The following FTO variants were observed in gnomAD, a reference collection of about 807,000 sequenced individuals.
FTO encodes the protein alpha-ketoglutarate-dependent dioxygenase FTO.
Under a neutral mutation model 63.9 loss-of-function variants are expected in FTO, and 47 were observed. That is an observed-to-expected ratio of 0.74 (90% CI 0.58 to 0.94). FTO has a LOEUF of 0.94. Ranked by LOEUF, FTO falls within the 40% of genes least tolerant of loss-of-function variation. The pLI, the probability that FTO is intolerant of heterozygous loss-of-function variation, is 0.00. For synonymous variants in FTO, 207 were observed against 224.4 expected (o/e 0.92, Z 0.69); for missense variants, 562 against 618.1 (o/e 0.91, Z 0.96).
chr16:53,887,204 C>T (rs1285817322), intron 6 of FTO, among the ~76,000 whole-genome samples: 2 of 152,186 alleles, frequency 1.3e-5, no homozygotes, highest in Non-Finnish European at 2.9e-5. Flanking sequence ...TGGTTTTTGT[C>T]TTTTCATCTT....
At chr16:53,739,745 G>GT (rs535359165) in intron 1 of FTO, among the ~76,000 whole-genome samples, 50 of 150,560 alleles carry the variant, frequency 3.3e-4, no homozygotes, top group African/African-American at 7.3e-4. Context: ...TTTTGTCTGT[G>GT]TTTTTTTTTA....
chr16:53,724,670 C>G (rs376644819), intron 1 of FTO, among the ~76,000 whole-genome samples: 2 of 152,142 alleles, frequency 1.3e-5, no homozygotes, highest in South Asian at 4.1e-4. Context: ...CCATTATTCC[C>G]CCCAGTAAGA....
intron 1 of FTO, among the ~76,000 whole-genome samples, chr16:53,719,970 A>G (rs2075999078): frequency 6.6e-6 from 1 of 152,056 alleles, no homozygotes; most frequent in Admixed American, 6.5e-5. Context: ...ATGTCCGCAG[A>G]GTCTTGAACA....
chr16:54,040,434 A>C (rs1356288811), intron 8 of FTO: 1 of 152,260 alleles, frequency 6.6e-6, no homozygotes, highest in Non-Finnish European at 1.5e-5. Flanking sequence ...TTTTAAGCAC[A>C]TAGAGAAATC....
chr16:53,941,863 T>C (rs1046166166), intron 8 of FTO, among the ~76,000 whole-genome samples: 23 of 152,066 alleles, frequency 1.5e-4, no homozygotes, highest in African/African-American at 5.6e-4. Flanking sequence ...AAAGAACAAA[T>C]TTGCACCCCA....
intron 8 of FTO, among the ~76,000 whole-genome samples, chr16:54,077,516 G>A (rs1047903739): frequency 2.6e-5 from 4 of 152,084 alleles, no homozygotes; most frequent in Non-Finnish European, 4.4e-5. Context: ...TCCTGAAGCC[G>A]CCTCCCCCAC....
intron 8 of FTO, among the ~76,000 whole-genome samples, chr16:54,028,717 A>G (rs2084768791): frequency 6.6e-6 from 1 of 152,162 alleles, no homozygotes; most frequent in African/African-American, 2.4e-5. Flanking sequence ...TATTGTATAC[A>G]CTATATACAG....
At chr16:54,027,917 A>G (rs1342068562) in intron 8 of FTO, among the ~76,000 whole-genome samples, 3 of 152,158 alleles carry the variant, frequency 2.0e-5, no homozygotes, top group African/African-American at 7.2e-5. Flanking sequence ...ATTAAATTAA[A>G]TGGTTCATGT....
At chr16:53,832,049 A>G (rs748577044) in intron 3 of FTO, among the ~76,000 whole-genome samples, 2 of 152,178 alleles carry the variant, frequency 1.3e-5, no homozygotes, top group Admixed American at 6.5e-5. Context: ...GACTAGGGAT[A>G]TGATGGTCCA....
intron 1 of FTO, among the ~76,000 whole-genome samples, chr16:53,771,757 C>A (rs1351180679): frequency 6.6e-6 from 1 of 152,002 alleles, no homozygotes; most frequent in East Asian, 1.9e-4. Context: ...TGTGGCATAA[C>A]CATACAATGG....
intron 8 of FTO, among the ~76,000 whole-genome samples, chr16:54,095,349 A>G (rs1316498131): frequency 6.6e-6 from 1 of 151,974 alleles, no homozygotes; most frequent in African/African-American, 2.4e-5. Context: ...CCTAATGCCT[A>G]ACTCATTCTC....
At chr16:54,097,933 G>T (rs548173340) in intron 8 of FTO, among the ~76,000 whole-genome samples, 10 of 152,258 alleles carry the variant, frequency 6.6e-5, no homozygotes, top group African/African-American at 2.4e-4. Context: ...AAGCCATGTG[G>T]ATATTTTAGG....
chr16:53,992,074 G>C (rs1212962528), intron 8 of FTO: 3 of 152,210 alleles, frequency 2.0e-5, no homozygotes, highest in African/African-American at 7.2e-5. Context: ...AGGATTGTTT[G>C]TAAACGTGGG....
intron 1 of FTO, among the ~76,000 whole-genome samples, chr16:53,733,138 G>A (rs963032817): frequency 2.6e-5 from 4 of 152,304 alleles, no homozygotes; most frequent in Non-Finnish European, 4.4e-5. Context: ...AGTGGCTCAC[G>A]CCTGTTATCC....
At chr16:53,846,801 C>CAAAAAAAAAAAAAAAAAAAAAA (rs55982417) in intron 4 of FTO, among the ~76,000 whole-genome samples, 1 of 106,902 alleles carries the variant, frequency 9.4e-6, no homozygotes, top group Non-Finnish European at 2.0e-5. Context: ...GACTCAGTCT[C>CAAAAAAAAAAAAAAAAAAAAAA]AAAAAAAAAA....
At chr16:53,842,833 C>T (rs887546919) in intron 3 of FTO, among the ~76,000 whole-genome samples, 15 of 152,036 alleles carry the variant, frequency 9.9e-5, no homozygotes, top group Non-Finnish European at 2.1e-4. Flanking sequence ...GCCACCATGC[C>T]CCACTCATTT....
intron 8 of FTO, among the ~76,000 whole-genome samples, chr16:54,096,583 C>A (rs1015209692): frequency 3.9e-5 from 6 of 152,326 alleles, no homozygotes; most frequent in African/African-American, 1.4e-4. Flanking sequence ...TGACACATAT[C>A]GCTCAGAGGA....
rs1254259491 is a variant in FTO, at chr16:53,899,798, A to G, written c.1239+10847A>G. ...ACCAGGGGAGACCTTTGGACTGGAA[A>G]GCTTTAAAGGATGACTGCTTTCACA... is the stretch of plus-strand genomic sequence containing the variant. On this transcript the variant is annotated intron_variant, in intron 7 of 8. Transcript: ENST00000471389. Among the ~76,000 whole-genome samples, 4 of 152,202 alleles carry G rather than the reference A, an allele frequency of 2.6e-5. No individual in the cohort carries two copies. The East Asian group carries it at 7.7e-4, about 29-fold the overall frequency.
chr16:53,888,937 A>C lies in FTO; in HGVS notation c.1225A>C (p.Lys409Gln). 6.2e-7 allele frequency: 1 copy of C among 1,614,128 alleles called. No individual in the cohort carries two copies. Among genetic ancestry groups the C allele is most frequent in the Non-Finnish European group, 8.5e-7 (1 of 1,179,958 alleles). Residue 409 changes from lysine (K) to glutamine (Q), a missense_variant, in exon 7 of 9, where the codon AAG (lysine) becomes CAG (glutamine). Lys to Gln is a moderately conservative substitution (Grantham distance 53). Transcript: ENST00000471389. ...GGCTCAACTGGAAGCACTGTGGAAG[A>C]AGATGGAGGGTGTGGTAAGTCCATC... ...PMAQLEALWKKMEGVTNAVLH... is the reference protein window; with the variant it reads ...PMAQLEALWKQMEGVTNAVLH...
Sources: gnomAD v4.1 joint callset for allele counts (sites outside exome capture counted in the v4.1 genomes callset) on GRCh38, gnomAD v4.1.1 for gene constraint, MANE v1.5 for transcripts, NCBI Gene and HGNC (gene_info 2026-07-23, HGNC 2026-07-21) for gene names.